The following MIB1 variants were observed in gnomAD, a reference collection of about 807,000 sequenced individuals.
MIB1 encodes the protein MIB E3 ubiquitin protein ligase 1, also known as E3 ubiquitin-protein ligase MIB1.
MIB1 carries 278 observed loss-of-function variants against 124.5 expected under a neutral mutation model. That is an observed-to-expected ratio of 2.23 (90% CI 2.02 to 2.47). The LOEUF (loss-of-function observed/expected upper bound fraction) is 2.47. Among genes scored for constraint, MIB1 ranks in the 30% most tolerant of loss-of-function variants. The pLI is 0.00. For synonymous variants in MIB1, 446 were observed against 429.4 expected (o/e 1.04, Z -0.48); for missense variants, 957 against 1,254.4 (o/e 0.76, Z 3.58).
rs371002717 is a variant in MIB1, at chr18:21,838,193, TA to T, written c.1830-162del. On this transcript the variant is annotated intron_variant, in intron 12 of 20. Transcript: ENST00000261537. Reference sequence around the variant, plus strand: ...GGCAACATAGCAAGACCTCATCTCTTAAAAAAAAAATTAAATTAAAGCTGCA... The same window carrying T: ...GGCAACATAGCAAGACCTCATCTCTTAAAAAAAAATTAAATTAAAGCTGCA... Among the ~76,000 whole-genome samples the T allele has an allele frequency of 0.02, 3,076 of 150,278 alleles. 55 individuals are homozygous for T. The highest frequency in any genetic ancestry group is 0.032 in the Non-Finnish European group (2,148 of 67,440).
At chr18:21,778,472 A>G (rs1396315991) in intron 5 of MIB1, among the ~76,000 whole-genome samples, 2 of 152,204 alleles carry the variant, frequency 1.3e-5, no homozygotes, top group East Asian at 1.9e-4. Flanking sequence ...ATTGTATGTT[A>G]TACACTATTG....
chr18:21,800,987 T>TA (rs1480066355), intron 9 of MIB1, among the ~76,000 whole-genome samples: 1 of 152,116 alleles, frequency 6.6e-6, no homozygotes, highest in East Asian at 1.9e-4. Flanking sequence ...TTCATTTACT[T>TA]ACTAAATTAT....
chr18:21,803,841 G>T, intron 9 of MIB1, 66 bp from the exon 10 acceptor site: 1 of 1,174,888 alleles, frequency 8.5e-7, no homozygotes, highest in African/African-American at 1.5e-5. Context: ...AACCTACACC[G>T]TATGTATATA....
rs150184773 is a variant in MIB1, at chr18:21,746,276, A to G, written c.229+4464A>G. ...TCTTTCTGATACGATTTTTCTCACT[A>G]CATTTTGAAGATTTTGTCTGGGAGT... On this transcript the variant is annotated intron_variant, in intron 1 of 20. Coordinates refer to ENST00000261537, the MANE Select transcript of MIB1 (RefSeq NM_020774.4). 2.0e-4 allele frequency among the ~76,000 whole-genome samples: 31 copies of G among 152,314 alleles called. No homozygotes were observed. In the East Asian group the frequency reaches 3.7e-3, roughly 18 times the overall value.
intron 1 of MIB1, among the ~76,000 whole-genome samples, chr18:21,747,622 A>AGAAGT (rs994306930): frequency 3.3e-5 from 5 of 152,228 alleles, no homozygotes; most frequent in African/African-American, 1.2e-4. Flanking sequence ...TGGGGAGAAG[A>AGAAGT]GAAGTGTGTA....
chr18:21,711,191 GAAT>G (rs1446339013), intron 1 of MIB1, among the ~76,000 whole-genome samples: 1 of 152,068 alleles, frequency 6.6e-6, no homozygotes, highest in Admixed American at 6.6e-5. Context: ...AAATGATAGA[GAAT>G]ACCTAATACT....
At chr18:21,844,947 G>A (rs895929118) in intron 15 of MIB1, among the ~76,000 whole-genome samples, 2 of 151,718 alleles carry the variant, frequency 1.3e-5, no homozygotes, top group African/African-American at 2.4e-5. Context: ...TTATGTAATC[G>A]GAATACAAGT....
At chr18:21,747,622 A>C (rs1198186321) in intron 1 of MIB1, among the ~76,000 whole-genome samples, 1 of 152,228 alleles carries the variant, frequency 6.6e-6, no homozygotes, top group African/African-American at 2.4e-5. Context: ...TGGGGAGAAG[A>C]GAAGTGTGTA....
At chr18:21,710,178 T>C (rs957175344) in intron 1 of MIB1, among the ~76,000 whole-genome samples, 4 of 151,996 alleles carry the variant, frequency 2.6e-5, no homozygotes, top group African/African-American at 4.8e-5. Context: ...TGGAGTGCAG[T>C]GGTGTGGTCT....
chr18:21,709,021 A>G (rs960698401), intron 1 of MIB1, among the ~76,000 whole-genome samples: 2 of 152,170 alleles, frequency 1.3e-5, no homozygotes, highest in African/African-American at 4.8e-5. Context: ...CAATGCCTTT[A>G]AAAGTCGTGG....
chr18:21,789,748 C>CA (rs1435830066), intron 6 of MIB1, among the ~76,000 whole-genome samples: 1 of 152,048 alleles, frequency 6.6e-6, no homozygotes, highest in African/African-American at 2.4e-5. Context: ...ACCTGGGTAA[C>CA]AGAGTGAGAC....
chr18:21,778,263 C>T, intron 5 of MIB1, 94 bp downstream of exon 5: 1 of 879,002 alleles, frequency 1.1e-6, no homozygotes, highest in East Asian at 2.6e-5. Flanking sequence ...AAGTTAATTA[C>T]CACTAAAGTT....
chr18:21,860,098 CTTTTTTTTTT>C (rs398032096), intron 20 of MIB1, among the ~76,000 whole-genome samples: 51 of 26,466 alleles, frequency 1.9e-3, no homozygotes, highest in Non-Finnish European at 2.9e-3. Context: ...TTCTTTATGT[CTTTTTTTTTT>C]TTTTTTTTTT....
chr18:21,854,588 G>A (rs1291797143), intron 18 of MIB1: 5 of 148,008 alleles, frequency 3.4e-5, no homozygotes, highest in Middle Eastern at 3.7e-3. Flanking sequence ...TTTACATGGC[G>A]TTTGCTCCTT....
intron 10 of MIB1, among the ~76,000 whole-genome samples, chr18:21,810,703 C>G (rs1568211392): frequency 1.3e-5 from 2 of 151,294 alleles, no homozygotes. Context: ...AAAGTAGGAA[C>G]CTTACCTAAC....
At chr18:21,839,311 G>C (rs2042061287) in intron 13 of MIB1, among the ~76,000 whole-genome samples, 1 of 152,038 alleles carries the variant, frequency 6.6e-6, no homozygotes, top group African/African-American at 2.4e-5. Flanking sequence ...TTAAATCTTT[G>C]CTATTAAAAT....
intron 1 of MIB1, among the ~76,000 whole-genome samples, chr18:21,715,509 A>G (rs1401758933): frequency 2.0e-5 from 3 of 152,146 alleles, no homozygotes; most frequent in Non-Finnish European, 4.4e-5. Flanking sequence ...GCTCCAAACC[A>G]AGAAGAAATC....
intron 12 of MIB1, among the ~76,000 whole-genome samples, chr18:21,829,656 A>G (rs1251170706): frequency 1.3e-5 from 2 of 152,086 alleles, no homozygotes; most frequent in East Asian, 1.9e-4. Context: ...AAGGTCACAG[A>G]TAAGAACTCG....
chr18:21,750,322 T>C (rs542214011), intron 1 of MIB1, among the ~76,000 whole-genome samples: 1 of 152,144 alleles, frequency 6.6e-6, no homozygotes, highest in South Asian at 2.1e-4. Context: ...CAGCTAATTT[T>C]TGTATTTTAT....
Sources: gnomAD v4.1 joint callset for allele counts (sites outside exome capture counted in the v4.1 genomes callset) on GRCh38, gnomAD v4.1.1 for gene constraint, MANE v1.5 for transcripts, NCBI Gene and HGNC (gene_info 2026-07-23, HGNC 2026-07-21) for gene names.